The following FAM53A variants were observed in gnomAD, a reference collection of about 807,000 sequenced individuals.
FAM53A encodes the protein family with sequence similarity 53 member A, also known as protein FAM53A.
A neutral mutation model predicts 26.6 loss-of-function variants in FAM53A; 28 were observed. The observed-to-expected ratio is 1.05, with a 90% CI of 0.78 to 1.45. The LOEUF is 1.45. FAM53A is among the 40% of genes most tolerant of loss of function. FAM53A has a pLI of 0.00. For synonymous variants in FAM53A, 290 were observed against 253.1 expected (o/e 1.15, Z -1.38); for missense variants, 650 against 575.8 (o/e 1.13, Z -1.32).
chr4:1,680,411 A>T (rs1267035332), intron 1 of FAM53A, among the ~76,000 whole-genome samples: 1 of 152,022 alleles, frequency 6.6e-6, no homozygotes, highest in Non-Finnish European at 1.5e-5. Context: ...AACACTGACA[A>T]CACCCAAGTG....
the FAM53A span, among the ~76,000 whole-genome samples, chr4:1,587,426 C>G: frequency 6.6e-6 from 1 of 152,162 alleles, no homozygotes; most frequent in Non-Finnish European, 1.5e-5. Flanking sequence ...AATCCCAGCA[C>G]TTTGAAAGGC....
chr4:1,605,950 TTGTTTTGTAGGCAGCA>T, the FAM53A span, among the ~76,000 whole-genome samples: 1 of 152,114 alleles, frequency 6.6e-6, no homozygotes, highest in Non-Finnish European at 1.5e-5. This position sits in a 1 kb window ranked among gnomAD's most constrained non-coding sequence, Gnocchi z 5.7. Flanking sequence ...AGTGCTCTCT[TTGTTTTGTAGGCAGCA>T]TGACTGACGT....
chr4:1,630,049 C>G lies in FAM53A; in HGVS notation c.432-11938G>C, dbSNP rs1028579842. Among the ~76,000 whole-genome samples the G allele has an allele frequency of 1.3e-5, 2 of 152,214 alleles. No individual in the cohort carries two copies. The highest frequency in any genetic ancestry group is 2.1e-4 in the South Asian group (1 of 4,838). On this transcript the variant is annotated intron_variant, in intron 1 of 1. Transcript: ENST00000489029. The surrounding 1 kb of genome is among the most constrained non-coding windows in gnomAD (Gnocchi z 4.3). ...ATGTCCCCCTGCTTCCCCCTCCGCC[C>G]AGCACAAAAAGACCACAGTGAGACC...
At chr4:1,612,179 C>T in the FAM53A span, among the ~76,000 whole-genome samples, 1 of 152,186 alleles carries the variant, frequency 6.6e-6, no homozygotes, top group Non-Finnish European at 1.5e-5. Context: ...ATTTCCTCTG[C>T]AATGGGCCAG....
At chr4:1,667,257 C>T (rs569796356) in intron 2 of FAM53A, among the ~76,000 whole-genome samples, 2 of 152,096 alleles carry the variant, frequency 1.3e-5, no homozygotes, top group Non-Finnish European at 2.9e-5. Context: ...TGAGATGGTG[C>T]CACTACACTC....
chr4:1,596,993 C>T, the FAM53A span, among the ~76,000 whole-genome samples: 2 of 152,078 alleles, frequency 1.3e-5, no homozygotes, highest in East Asian at 1.9e-4. Flanking sequence ...GGGCCTCCCT[C>T]CAGCATCGCA....
At chr4:1,624,616 T>C (rs1176655434) in intron 1 of FAM53A, among the ~76,000 whole-genome samples, 1 of 151,922 alleles carries the variant, frequency 6.6e-6, no homozygotes, top group Non-Finnish European at 1.5e-5. Flanking sequence ...AACAGAACCC[T>C]CCGCGCAAAC....
chr4:1,602,514 A>T, the FAM53A span, among the ~76,000 whole-genome samples: 1 of 152,212 alleles, frequency 6.6e-6, no homozygotes, highest in Non-Finnish European at 1.5e-5. Context: ...GACCCGAGAG[A>T]TATCTGAGGT....
At chr4:1,590,982 A>ATC in the FAM53A span, among the ~76,000 whole-genome samples, 1 of 131,950 alleles carries the variant, frequency 7.6e-6, no homozygotes, top group South Asian at 2.5e-4. Context: ...ATATATATAT[A>ATC]TATATATATA....
rs772912617 is a variant in FAM53A, at chr4:1,654,977, C to T, written c.882+1G>A. On this transcript the variant is annotated splice_donor_variant, in intron 4 of 4. Transcript: ENST00000308132. LOFTEE classifies it high-confidence loss of function. ...AGCCCCTGGAAATAAGAAAGCCTCA[C>T]CTGGGTCATTTTCAGGAAGTCCAAG... 4.0e-6 allele frequency: 6 copies of T among 1,515,434 alleles called. No individual in the cohort carries two copies. In the South Asian group the frequency reaches 7.9e-5, roughly 20 times the overall value. The allele number at this position is 1,515,434 out of a possible 1,614,324, so 93.9% of individuals were successfully genotyped here.
chr4:1,634,251 G>A (rs996905208), intron 1 of FAM53A, among the ~76,000 whole-genome samples: 4 of 152,174 alleles, frequency 2.6e-5, no homozygotes, highest in African/African-American at 9.7e-5. Flanking sequence ...ATGGGGTCCA[G>A]TGGAGACAGG....
chr4:1,664,914 G>A (rs925804428), intron 2 of FAM53A, among the ~76,000 whole-genome samples: 5 of 152,172 alleles, frequency 3.3e-5, no homozygotes, highest in Admixed American at 6.5e-5. Flanking sequence ...GGAGGCGGGG[G>A]TTACAGTGAG....
At chr4:1,657,587 TA>T (rs1251508043) in intron 2 of FAM53A, 119 bp from the exon 3 acceptor site, 1 of 831,192 alleles carries the variant, frequency 1.2e-6, no homozygotes, top group East Asian at 2.7e-5. Flanking sequence ...TTCTAGTGAT[TA>T]AAATAAGCAC....
intron 3 of FAM53A, 139 bp from the exon 4 acceptor site, chr4:1,655,862 A>T: frequency 9.3e-7 from 1 of 1,075,896 alleles, no homozygotes; most frequent in Admixed American, 3.2e-5. Context: ...CTTCTCCAAG[A>T]TGTCCGTGGC....
In FAM53A at chr4:1,641,149, T is replaced by C. The variant is rs1711660476; in HGVS notation, c.*144A>G. 1 of 591,634 alleles carries C rather than the reference T, an allele frequency of 1.7e-6. No individual in the cohort carries two copies. The allele number at this position is 591,634 out of a possible 1,614,324, so 36.6% of individuals were successfully genotyped here. ...CCAGGGCAGGTGCCGGCGGCAGCCG[T>C]GGCCCCGACCAGCTCACAGGAAACC... On this transcript the variant is annotated 3_prime_UTR_variant, in exon 5 of 5. Transcript: ENST00000308132.
Position 1,648,516 on chromosome 4 carries a change from G to A in FAM53A, c.882+6462C>T, listed in dbSNP as rs528588051. 1.2e-4 allele frequency among the ~76,000 whole-genome samples: 19 copies of A among 152,282 alleles called. No homozygotes were observed. The South Asian group carries it at 2.7e-3, about 22-fold the overall frequency. Reference sequence around the variant, plus strand: ...TCAGGAGGGCTCTGGGTTTGCAGACGTGGCCCCTGAAGACACTGCCTGTCT... The same window carrying A: ...TCAGGAGGGCTCTGGGTTTGCAGACATGGCCCCTGAAGACACTGCCTGTCT... On this transcript the variant is annotated intron_variant, in intron 4 of 4. Transcript: ENST00000308132.
chr4:1,668,489 G>A (rs567963399), intron 2 of FAM53A, among the ~76,000 whole-genome samples, 178 bp downstream of exon 2: 122 of 152,296 alleles, frequency 8.0e-4, no homozygotes, highest in African/African-American at 2.8e-3. Context: ...AAAATCCGCT[G>A]TGATTACACT....
intron 1 of FAM53A, among the ~76,000 whole-genome samples, chr4:1,631,541 C>T (rs999366821): frequency 6.6e-6 from 1 of 152,220 alleles, no homozygotes; most frequent in Admixed American, 6.5e-5. Flanking sequence ...CCCAGGGAAA[C>T]AGCCTCTGAG....
rs200847112 is a variant in FAM53A, at chr4:1,655,423, G to A, written c.437C>T (p.Thr146Ile). 6.7e-7 allele frequency: 1 copy of A among 1,500,846 alleles called. No individual in the cohort carries two copies. Among genetic ancestry groups the A allele is most frequent in the East Asian group, 2.4e-5 (1 of 41,542 alleles). 93.0% of individuals were successfully genotyped at this position (1,500,846 alleles called of 1,614,324 possible). A position where few individuals can be genotyped will look rare whatever the true frequency, so the allele number is the denominator to read the frequency against. ...GTCGCACCGCCTCTTGGAGACTGGA[G>A]TCCAGACCTTGGAGCTGCCGGGGCG... Reference protein sequence around the residue: ...PWRPGSSKVWTPVSKRRCDSG... With the variant: ...PWRPGSSKVWIPVSKRRCDSG... The change falls in exon 4 of 5, where the codon ACT becomes ATT. Residue 146 changes from threonine to isoleucine, a missense_variant. Coordinates refer to ENST00000308132, the MANE Select transcript of FAM53A (RefSeq NM_001174070.3).
Sources: allele counts gnomAD v4.1 joint callset (sites outside exome capture counted in the v4.1 genomes callset), GRCh38; gene constraint gnomAD v4.1.1; non-coding constraint Gnocchi (gnomAD v3.1); transcripts MANE v1.5; gene names NCBI Gene and HGNC (gene_info 2026-07-23, HGNC 2026-07-21).